Variants in CSMD1 observed in about 807,000 individuals in gnomAD.
CSMD1 encodes CUB and sushi domain-containing protein 1.
Under a neutral mutation model 417.5 loss-of-function variants are expected in CSMD1, and 213 were observed. That is an observed-to-expected ratio of 0.51 (90% CI 0.46 to 0.57). The LOEUF is 0.57. CSMD1 is among the 20% of genes least tolerant of loss of function. The probability of loss-of-function intolerance (pLI) is 0.00; values close to 1 mark genes in which losing one functional copy is unlikely to be tolerated. For missense variants in CSMD1, 6,923 were observed against 4,529.7 expected (o/e 1.53, Z -15.17); for synonymous variants, 2,862 against 1,736.8 (o/e 1.65, Z -16.11).
At position 3,301,707 on chromosome 8, in the gene CSMD1, G is replaced by A. The variant is rs149727344; in HGVS notation, c.3950+5988C>T. ...CAGCCAAAGATACACCTGGAAAGCC[G>A]CACTAAGCCAAATTCTAGAGGGTAT... On this transcript the variant is annotated intron_variant, in intron 25 of 69. Transcript: ENST00000635120. Among the ~76,000 whole-genome samples, 323 of 152,222 alleles carry A rather than the reference G, an allele frequency of 2.1e-3. 5 individuals carry two copies. The highest frequency in any genetic ancestry group is 7.2e-3 in the African/African-American group (297 of 41,530).
intron 3 of CSMD1, among the ~76,000 whole-genome samples, chr8:4,146,101 A>G (rs557230429): frequency 6.6e-6 from 1 of 151,002 alleles, no homozygotes; most frequent in African/African-American, 2.5e-5. Flanking sequence ...CCCACACACC[A>G]ACATAATGGC....
At chr8:4,944,763 G>T (rs565175625) in intron 1 of CSMD1, among the ~76,000 whole-genome samples, 1 of 152,078 alleles carries the variant, frequency 6.6e-6, no homozygotes, top group Non-Finnish European at 1.5e-5. Flanking sequence ...TGTTGGCGAG[G>T]ATGTAAAGGG....
chr8:3,837,051 C>T (rs1259110790), intron 5 of CSMD1, among the ~76,000 whole-genome samples: 2 of 151,272 alleles, frequency 1.3e-5, no homozygotes, highest in Non-Finnish European at 2.9e-5. Context: ...CAATTGATGC[C>T]CATGGGTGAT....
intron 41 of CSMD1, among the ~76,000 whole-genome samples, chr8:3,136,515 T>A: frequency 6.6e-6 from 1 of 152,108 alleles, no homozygotes; most frequent in Non-Finnish European, 1.5e-5. Context: ...TCTACCCACC[T>A]CGGCCTCCCA....
At chr8:2,993,212 TA>T (rs1317676131) in intron 54 of CSMD1, among the ~76,000 whole-genome samples, 1 of 152,222 alleles carries the variant, frequency 6.6e-6, no homozygotes, top group Non-Finnish European at 1.5e-5. Flanking sequence ...GAACAATGTA[TA>T]AAGGCCACTT....
chr8:4,907,462 C>T (rs1805366419), intron 1 of CSMD1, among the ~76,000 whole-genome samples: 1 of 152,072 alleles, frequency 6.6e-6, no homozygotes, highest in African/African-American at 2.4e-5. Flanking sequence ...GCATCTGTAC[C>T]TTTAAAATAA....
intron 39 of CSMD1, among the ~76,000 whole-genome samples, chr8:3,155,928 T>G (rs533441876): frequency 2.6e-5 from 4 of 152,224 alleles, no homozygotes; most frequent in African/African-American, 9.6e-5. Flanking sequence ...CAATTTCACC[T>G]GCATCCCATG....
At chr8:4,239,024 T>C (rs1620593) in intron 3 of CSMD1, among the ~76,000 whole-genome samples, 54,661 of 152,128 alleles carry the variant, frequency 0.36, 10,652 homozygotes, top group South Asian at 0.57. Flanking sequence ...GGTTCGAAAA[T>C]CTGCTTTTGC....
At chr8:4,584,305 G>C (rs1474016196) in intron 2 of CSMD1, among the ~76,000 whole-genome samples, 1 of 151,968 alleles carries the variant, frequency 6.6e-6, no homozygotes, top group Non-Finnish European at 1.5e-5. Context: ...CGAGTGGTGA[G>C]ACCGTCGCCT....
intron 5 of CSMD1, among the ~76,000 whole-genome samples, chr8:3,991,837 T>C (rs945629395): frequency 5.3e-5 from 8 of 152,290 alleles, no homozygotes; most frequent in East Asian, 1.9e-4. Flanking sequence ...TTTTGGATGG[T>C]TGAATATTTA....
At chr8:4,341,042 A>G (rs1005475693) in intron 3 of CSMD1, among the ~76,000 whole-genome samples, 1 of 152,080 alleles carries the variant, frequency 6.6e-6, no homozygotes, top group East Asian at 1.9e-4. Context: ...TTTAGAATCT[A>G]TACTCTAAAT....
At chr8:3,026,809 A>G (rs1257086642) in intron 51 of CSMD1, among the ~76,000 whole-genome samples, 1 of 152,222 alleles carries the variant, frequency 6.6e-6, no homozygotes, top group East Asian at 1.9e-4. Flanking sequence ...CAAATTTTAA[A>G]AATAAAAATT....
chr8:4,069,080 A>C (rs973126425), intron 3 of CSMD1, among the ~76,000 whole-genome samples: 2 of 152,190 alleles, frequency 1.3e-5, no homozygotes, highest in African/African-American at 4.8e-5. Flanking sequence ...AAACAATTTT[A>C]TTAGACTTTG....
chr8:4,908,007 T>G, intron 1 of CSMD1, among the ~76,000 whole-genome samples: 1 of 147,810 alleles, frequency 6.8e-6, no homozygotes, highest in African/African-American at 2.7e-5. Flanking sequence ...TGGGAATTAT[T>G]ACTTTTAAAA....
intron 2 of CSMD1, among the ~76,000 whole-genome samples, chr8:4,589,669 C>T (rs1399999508): frequency 6.6e-6 from 1 of 152,072 alleles, no homozygotes; most frequent in East Asian, 1.9e-4. Context: ...GAAGACCAAG[C>T]AAAAATAACC....
chr8:4,593,190 T>C (rs1800076035), intron 2 of CSMD1, among the ~76,000 whole-genome samples: 1 of 152,154 alleles, frequency 6.6e-6, no homozygotes. Flanking sequence ...TGCATACAAA[T>C]GGGCCCTACA....
At chr8:3,436,933 A>T (rs1340819100) in intron 12 of CSMD1, among the ~76,000 whole-genome samples, 1 of 152,196 alleles carries the variant, frequency 6.6e-6, no homozygotes. Context: ...TCTCCAAAAA[A>T]AAGAGTGTGA....
chr8:4,135,920 G>C (rs1228217598), intron 3 of CSMD1, among the ~76,000 whole-genome samples: 2 of 152,114 alleles, frequency 1.3e-5, no homozygotes, highest in African/African-American at 2.4e-5. Flanking sequence ...GCATATGTTA[G>C]TTTTCCCTGG....
chr8:3,370,905 T>C (rs1344766936), intron 18 of CSMD1, among the ~76,000 whole-genome samples: 2 of 151,590 alleles, frequency 1.3e-5, no homozygotes, highest in Admixed American at 6.6e-5. Flanking sequence ...AAACCCGGGA[T>C]GCGGAGGTTG....
Sources: allele counts gnomAD v4.1 joint callset (sites outside exome capture counted in the v4.1 genomes callset), GRCh38; gene constraint gnomAD v4.1.1; transcripts MANE v1.5; gene names NCBI Gene and HGNC (gene_info 2026-07-23, HGNC 2026-07-21).